Variants in DPY19L4 observed in about 807,000 individuals in gnomAD.
DPY19L4 encodes probable C-mannosyltransferase DPY19L4.
Under a neutral mutation model 102.8 loss-of-function variants are expected in DPY19L4, and 97 were observed. That is an observed-to-expected ratio of 0.94 (90% CI 0.80 to 1.12). The LOEUF (loss-of-function observed/expected upper bound fraction) is 1.12, where lower values mean the gene tolerates loss of function less well. Ranked by LOEUF, DPY19L4 falls within the 50% of genes most tolerant of loss-of-function variation. The probability of loss-of-function intolerance (pLI) is 0.00; values close to 1 mark genes in which losing one functional copy is unlikely to be tolerated. For missense variants in DPY19L4, 815 were observed against 850.4 expected (o/e 0.96, Z 0.52); for synonymous variants, 252 against 283.1 (o/e 0.89, Z 1.10).
intron 6 of DPY19L4, chr8:94,744,488 C>T: frequency 2.2e-6 from 1 of 456,686 alleles, no homozygotes. Context: ...TTGTCAGTTG[C>T]ACAGACCCCT....
At chr8:94,728,358 T>G (rs1810781639) in intron 2 of DPY19L4, among the ~76,000 whole-genome samples, 1 of 152,268 alleles carries the variant, frequency 6.6e-6, no homozygotes, top group Admixed American at 6.5e-5. Flanking sequence ...CCCAGTTGTG[T>G]TCCTGGGGAA....
intron 16 of DPY19L4, among the ~76,000 whole-genome samples, chr8:94,783,374 C>A (rs1490340805): frequency 2.0e-5 from 3 of 152,196 alleles, no homozygotes; most frequent in Non-Finnish European, 4.4e-5. Context: ...TATCCCCTTA[C>A]TCTGCATTAT....
chr8:94,781,981 A>T (rs1259820740), intron 16 of DPY19L4, among the ~76,000 whole-genome samples: 2 of 152,256 alleles, frequency 1.3e-5, no homozygotes, highest in East Asian at 1.9e-4. Context: ...GTAAAGTTTC[A>T]TAAAGGTAAG....
intron 13 of DPY19L4, among the ~76,000 whole-genome samples, chr8:94,772,125 G>A (rs1812963734): frequency 6.6e-6 from 1 of 151,970 alleles, no homozygotes. Context: ...AGAAAATCAT[G>A]CCATCTTGTT....
In DPY19L4 at chr8:94,768,389, C is replaced by A. The variant is rs761423430; in HGVS notation, c.1176-6C>A. ...AATTTAATATCATACTTTTTGTCTTCTATAGGAATTTTACAATGAATTGGC... is the reference window on the plus strand; with the variant it reads ...AATTTAATATCATACTTTTTGTCTTATATAGGAATTTTACAATGAATTGGC... On this transcript the variant is annotated splice_region_variant and splice_polypyrimidine_tract_variant and intron_variant, in intron 11 of 18. Transcript: ENST00000414645. 4 of 1,586,160 alleles carry A rather than the reference C, an allele frequency of 2.5e-6. No homozygotes were observed. Among genetic ancestry groups the A allele is most frequent in the South Asian group, 2.4e-5 (2 of 84,938 alleles).
intron 12 of DPY19L4, among the ~76,000 whole-genome samples, chr8:94,769,067 T>G (rs1161431648): frequency 1.5e-4 from 23 of 149,454 alleles, no homozygotes; most frequent in Admixed American, 6.6e-4. Context: ...TTTTTGTTTT[T>G]TTTTTTTTTT....
chr8:94,741,283 G>A (rs762266705), intron 6 of DPY19L4, among the ~76,000 whole-genome samples: 8 of 152,098 alleles, frequency 5.3e-5, no homozygotes, highest in Non-Finnish European at 8.8e-5. Context: ...TCTGTGTGGC[G>A]TTTTTTAGCA....
At chr8:94,724,921 T>G in intron 1 of DPY19L4, among the ~76,000 whole-genome samples, 1 of 152,216 alleles carries the variant, frequency 6.6e-6, no homozygotes, top group East Asian at 1.9e-4. Context: ...TTCATTGATT[T>G]CACTACTTAA....
At chr8:94,727,674 C>G (rs890821445) in intron 2 of DPY19L4, among the ~76,000 whole-genome samples, 3 of 152,202 alleles carry the variant, frequency 2.0e-5, no homozygotes, top group African/African-American at 4.8e-5. Flanking sequence ...GGGCCTGATT[C>G]CTTCAGCATC....
chr8:94,768,253 T>C, intron 11 of DPY19L4, 142 bp from the exon 12 acceptor site: 3 of 590,024 alleles, frequency 5.1e-6, no homozygotes, highest in Non-Finnish European at 8.4e-6. Flanking sequence ...TCTTCATTTA[T>C]AAAGGATAGT....
intron 1 of DPY19L4, chr8:94,720,223 A>G (rs1289498705): frequency 1.0e-6 from 1 of 985,394 alleles, no homozygotes; most frequent in Admixed American, 6.1e-5. Context: ...TGTCGGCCGA[A>G]TTGGGAAGCA....
Position 94,729,779 on chromosome 8 carries a change from C to CG in DPY19L4, c.127+3338_127+3339insG, listed in dbSNP as rs540312915. On this transcript the variant is annotated intron_variant, in intron 2 of 18. Transcript: ENST00000414645. ...CTGAGAAGTGGTGTTTGCAGTGAGC[C>CG]AGGATCACGCCACTGCACTCCAGCC... is the stretch of plus-strand genomic sequence containing the variant. Among the ~76,000 whole-genome samples the CG allele has an allele frequency of 4.1e-3, 620 of 151,428 alleles. 6 individuals carry two copies. Among genetic ancestry groups the CG allele is most frequent in the African/African-American group, 0.014 (587 of 41,244 alleles).
chr8:94,768,372 A>G, intron 11 of DPY19L4, 23 bp from the exon 12 acceptor site: 1 of 1,567,684 alleles, frequency 6.4e-7, no homozygotes, highest in South Asian at 1.2e-5. Flanking sequence ...TGAATTTAAT[A>G]TCATACTTTT....
rs74586351 is a variant in DPY19L4, at chr8:94,758,359, C to T, written c.735+2200C>T. ...TGTTAATTCAGGCACTGACTTTCTT[C>T]AGATTTCACCAGGTTTTACATATAC... On this transcript the variant is annotated intron_variant, in intron 7 of 18. Transcript: ENST00000414645. Among the ~76,000 whole-genome samples the T allele has an allele frequency of 3.9e-3, 588 of 152,256 alleles. 3 individuals carry two copies. Among genetic ancestry groups the T allele is most frequent in the African/African-American group, 0.013 (555 of 41,544 alleles).
At chr8:94,738,649 G>A (rs1024566971) in intron 4 of DPY19L4, among the ~76,000 whole-genome samples, 190 bp downstream of exon 4, 2 of 151,576 alleles carry the variant, frequency 1.3e-5, no homozygotes, top group African/African-American at 4.8e-5. Flanking sequence ...TAGTAGCTGG[G>A]ATTAAAGGCA....
chr8:94,782,860 A>C (rs7844431), intron 16 of DPY19L4, among the ~76,000 whole-genome samples: 102,629 of 152,100 alleles, frequency 0.67, 34,723 homozygotes, highest in East Asian at 0.8. Context: ...CAAAAGAGGA[A>C]GTTACATCTC....
rs535449493 is a variant in DPY19L4 at position 94,791,510 on chromosome 8, A to G, written c.*1600A>G. On this transcript the variant is annotated 3_prime_UTR_variant, in exon 19 of 19. Transcript: ENST00000414645. ...AGTGTACCTCAGGTTGACTCTGTAC[A>G]TCTGAATAGTGAGTCACTAGTATTT... 1 of 152,306 alleles carries G rather than the reference A, an allele frequency of 6.6e-6. No homozygotes were observed. Among genetic ancestry groups the G allele is most frequent in the East Asian group, 1.9e-4 (1 of 5,188 alleles). The allele number at this position is 152,306 out of a possible 1,614,324, so 9.4% of individuals were successfully genotyped here.
chr8:94,743,393 T>G (rs1811530573), intron 6 of DPY19L4, among the ~76,000 whole-genome samples: 1 of 151,902 alleles, frequency 6.6e-6, no homozygotes, highest in Non-Finnish European at 1.5e-5. Flanking sequence ...ATTCTAGCAC[T>G]TTGGGAGGCC....
chr8:94,756,014 G>A (rs773956232), intron 6 of DPY19L4, 22 bp from the exon 7 acceptor site: 1 of 1,600,412 alleles, frequency 6.2e-7, no homozygotes, highest in South Asian at 1.1e-5. Flanking sequence ...TATTTTTACT[G>A]TTCATCTGTG....
Sources: gnomAD v4.1 joint callset for allele counts (sites outside exome capture counted in the v4.1 genomes callset) on GRCh38, gnomAD v4.1.1 for gene constraint, MANE v1.5 for transcripts, NCBI Gene and HGNC (gene_info 2026-07-23, HGNC 2026-07-21) for gene names.